Variants in KCNK2 observed in about 807,000 individuals in gnomAD.
The protein encoded by KCNK2 is potassium two pore domain channel subfamily K member 2, also known as potassium channel subfamily K member 2.
KCNK2 carries 21 observed loss-of-function variants against 40.5 expected under a neutral mutation model. That is an observed-to-expected ratio of 0.52 (90% CI 0.37 to 0.75). KCNK2 has a LOEUF of 0.75. Among genes scored for constraint, KCNK2 ranks in the 30% least tolerant of loss-of-function variants. The pLI is 0.00. For synonymous variants in KCNK2, 191 were observed against 202.2 expected (o/e 0.94, Z 0.47); for missense variants, 399 against 531.6 (o/e 0.75, Z 2.45).
At chr1:215,054,033 T>A (rs1002750775) in intron 1 of KCNK2, among the ~76,000 whole-genome samples, 1 of 152,212 alleles carries the variant, frequency 6.6e-6, no homozygotes, top group African/African-American at 2.4e-5. Flanking sequence ...AGCTGTGAGT[T>A]TTCTCAGTTA....
chr1:215,012,266 A>G (rs980812789), intron 1 of KCNK2, among the ~76,000 whole-genome samples: 1 of 152,308 alleles, frequency 6.6e-6, no homozygotes, highest in Non-Finnish European at 1.5e-5. Context: ...CATGTCCACC[A>G]GCCGGGTACG....
At chr1:215,174,385 A>T (rs1003092832) in intron 5 of KCNK2, among the ~76,000 whole-genome samples, 4 of 152,200 alleles carry the variant, frequency 2.6e-5, no homozygotes, top group African/African-American at 9.6e-5. Flanking sequence ...CTTGTAGTAT[A>T]GTTTGAAGTC....
intron 6 of KCNK2, 94 bp from the exon 7 acceptor site, chr1:215,234,734 T>C (rs1666808595): frequency 7.8e-7 from 1 of 1,275,318 alleles, no homozygotes; most frequent in Non-Finnish European, 1.1e-6. Context: ...CTCTTCTTTT[T>C]AAAATCCCAA....
chr1:215,169,438 A>G lies in KCNK2; in HGVS notation c.636+79A>G, dbSNP rs1048860118. 3.6e-6 allele frequency: 4 copies of G among 1,108,320 alleles called. No homozygotes were observed. The Admixed American group carries it at 9.4e-5, about 26-fold the overall frequency. 68.7% of individuals were successfully genotyped at this position (1,108,320 alleles called of 1,614,324 possible). A position where few individuals can be genotyped will look rare whatever the true frequency, so the allele number is the denominator to read the frequency against. On this transcript the variant is annotated intron_variant, in intron 4 of 6. Coordinates refer to ENST00000444842, the MANE Select transcript of KCNK2 (RefSeq NM_001017425.3). ...AATTATATCTTTTCTGTCACCTCAG[A>G]TACAATTAGACATTCAATTATTAGG...
At chr1:215,050,809 A>G (rs1256640869) in intron 1 of KCNK2, among the ~76,000 whole-genome samples, 1 of 152,194 alleles carries the variant, frequency 6.6e-6, no homozygotes, top group Non-Finnish European at 1.5e-5. Context: ...GGGGGTTGCT[A>G]CTGCCGATGT....
chr1:215,200,953 C>A (rs1174333134), intron 6 of KCNK2, among the ~76,000 whole-genome samples: 1 of 152,152 alleles, frequency 6.6e-6, no homozygotes, highest in East Asian at 1.9e-4. Context: ...TAGAAAATTG[C>A]ATCTGCGTGC....
At chr1:215,104,055 G>T (rs1048134679) in intron 2 of KCNK2, among the ~76,000 whole-genome samples, 1 of 151,980 alleles carries the variant, frequency 6.6e-6, no homozygotes, top group Non-Finnish European at 1.5e-5. Flanking sequence ...ACATCTGAAA[G>T]GCAGGCAATT....
rs1037714105 is a variant in KCNK2, at chr1:215,106,437, A to AT, written c.358-18187dup. Among the ~76,000 whole-genome samples, 13 of 150,490 alleles carry AT rather than the reference A, an allele frequency of 8.6e-5. No individual in the cohort carries two copies. In the East Asian group the frequency reaches 1.8e-3, roughly 20 times the overall value. On this transcript the variant is annotated intron_variant, in intron 2 of 6. Coordinates refer to ENST00000444842, the MANE Select transcript of KCNK2 (RefSeq NM_001017425.3). The stretch of plus-strand genomic sequence containing the variant: ...CCTTTGCATAACTTTTAATAGGGAT[A>AT]TTTTTTTTTCTTGATTTAAGTTCCT...
At position 215,007,155 on chromosome 1, in the gene KCNK2, ATG is replaced by A. The variant is rs1387662135; in HGVS notation, c.34+1202_34+1203del. ...TGTGTATATATATGTGTATATATAT[ATG>A]TATGTATATATATATGTATGTGTGT... On this transcript the variant is annotated intron_variant, in intron 1 of 6. Transcript: ENST00000391895. 1.1e-3 allele frequency among the ~76,000 whole-genome samples: 139 copies of A among 124,926 alleles called. 10 individuals are homozygous for A. Among genetic ancestry groups the A allele is most frequent in the Middle Eastern group, 4.1e-3 (1 of 246 alleles). 82.0% of individuals were successfully genotyped at this position (124,926 alleles called of 152,430 possible). A position where few individuals can be genotyped will look rare whatever the true frequency, so the allele number is the denominator to read the frequency against.
At position 215,196,427 on chromosome 1, in the gene KCNK2, G is replaced by A. The variant is rs556623292; in HGVS notation, c.963+1335G>A. Reference sequence around the variant, plus strand: ...TTATTCATACCCAAGGTGCCTGTGTGAACTAGCAAGAATGTAAATTATCCA... The same window carrying A: ...TTATTCATACCCAAGGTGCCTGTGTAAACTAGCAAGAATGTAAATTATCCA... On this transcript the variant is annotated intron_variant, in intron 6 of 6. Coordinates refer to ENST00000444842, the MANE Select transcript of KCNK2 (RefSeq NM_001017425.3). Among the ~76,000 whole-genome samples the A allele has an allele frequency of 7.2e-4, 110 of 152,138 alleles. 1 individual carries two copies. Among genetic ancestry groups the A allele is most frequent in the African/African-American group, 2.5e-3 (105 of 41,510 alleles).
chr1:215,069,527 T>C (rs1658675066), intron 1 of KCNK2, among the ~76,000 whole-genome samples: 1 of 152,228 alleles, frequency 6.6e-6, no homozygotes. Flanking sequence ...TCCTTCCCTC[T>C]TTCCATGGTT....
chr1:215,053,036 G>C (rs1176775967), intron 1 of KCNK2, among the ~76,000 whole-genome samples: 1 of 152,034 alleles, frequency 6.6e-6, no homozygotes, highest in African/African-American at 2.4e-5. Flanking sequence ...AACTTCTCAT[G>C]TTCTCACCTG....
chr1:215,184,824 T>C (rs1043192830), intron 5 of KCNK2, among the ~76,000 whole-genome samples: 4 of 152,114 alleles, frequency 2.6e-5, no homozygotes, highest in African/African-American at 9.7e-5. Flanking sequence ...AGTGTTATTT[T>C]AAACAACTAA....
At chr1:215,139,839 A>G (rs1455193248) in intron 3 of KCNK2, among the ~76,000 whole-genome samples, 1 of 152,144 alleles carries the variant, frequency 6.6e-6, no homozygotes, top group Non-Finnish European at 1.5e-5. Context: ...TTATCAAAGT[A>G]TATATATAGA....
At position 215,008,971 on chromosome 1, in the gene KCNK2, C is replaced by T. The variant is rs370470819; in HGVS notation, c.34+3016C>T. 6.0e-4 allele frequency among the ~76,000 whole-genome samples: 92 copies of T among 152,096 alleles called. 1 individual carries two copies. The highest frequency in any genetic ancestry group is 2.0e-3 in the African/African-American group (84 of 41,508). On this transcript the variant is annotated intron_variant, in intron 1 of 6. Coordinates refer to the KCNK2 transcript ENST00000391895. ...ATTCTATAGTCCTTGATGATTAAGA[C>T]GGTGGAAACACCAGATTGGCCATTG... is the stretch of plus-strand genomic sequence containing the variant.
intron 1 of KCNK2, among the ~76,000 whole-genome samples, chr1:215,017,155 G>A (rs1300769908): frequency 6.6e-6 from 1 of 152,126 alleles, no homozygotes; most frequent in Non-Finnish European, 1.5e-5. Context: ...ATGTGTATAA[G>A]TACAGCCCTT....
chr1:215,168,210 A>G (rs1663537919), intron 3 of KCNK2, among the ~76,000 whole-genome samples: 1 of 151,440 alleles, frequency 6.6e-6, no homozygotes, highest in Non-Finnish European at 1.5e-5. Flanking sequence ...AAGTAAAGAA[A>G]CAACAGAGGC....
chr1:215,131,559 ATATAAT>A (rs1661684382), intron 3 of KCNK2, among the ~76,000 whole-genome samples: 1 of 148,340 alleles, frequency 6.7e-6, no homozygotes, highest in Non-Finnish European at 1.5e-5. Flanking sequence ...ATATAATTTA[ATATAAT>A]TATATTTAAA....
chr1:215,170,812 T>G (rs557015546), intron 4 of KCNK2, among the ~76,000 whole-genome samples: 1 of 152,314 alleles, frequency 6.6e-6, no homozygotes, highest in Admixed American at 6.5e-5. Context: ...TCTTCGTTCA[T>G]TCATTCAACA....
Sources: gnomAD v4.1 joint callset for allele counts (sites outside exome capture counted in the v4.1 genomes callset) on GRCh38, gnomAD v4.1.1 for gene constraint, MANE v1.5 for transcripts, NCBI Gene and HGNC (gene_info 2026-07-23, HGNC 2026-07-21) for gene names.